The following CTNNA1 variants were observed in gnomAD, a reference collection of about 807,000 sequenced individuals.
CTNNA1 encodes catenin alpha-1.
A neutral mutation model predicts 98.4 loss-of-function variants in CTNNA1; 37 were observed. The observed-to-expected ratio is 0.38, with a 90% confidence interval of 0.29 to 0.49. The LOEUF (loss-of-function observed/expected upper bound fraction) is 0.49. CTNNA1 is among the 20% of genes least tolerant of loss of function. The pLI is 0.95. For missense variants in CTNNA1, 761 were observed against 1,147.2 expected (o/e 0.66, Z 4.86); for synonymous variants, 404 against 413.2 (o/e 0.98, Z 0.27).
chr5:138,921,415 A>C (rs944437872), intron 11 of CTNNA1, among the ~76,000 whole-genome samples: 1 of 152,154 alleles, frequency 6.6e-6, no homozygotes, highest in African/African-American at 2.4e-5. Flanking sequence ...CAACACTTGG[A>C]GTGGTAATTT....
intron 9 of CTNNA1, among the ~76,000 whole-genome samples, chr5:138,902,367 C>T (rs896981544): frequency 1.3e-5 from 2 of 152,166 alleles, no homozygotes; most frequent in Non-Finnish European, 2.9e-5. Flanking sequence ...TTCAAGTGGC[C>T]TCCTAAATGA....
intron 1 of CTNNA1, among the ~76,000 whole-genome samples, chr5:138,762,634 A>C (rs1277768802): frequency 2.0e-5 from 3 of 151,218 alleles, no homozygotes; most frequent in African/African-American, 7.3e-5. Flanking sequence ...TTGGGATTTA[A>C]TTTGTGGTTT....
intron 11 of CTNNA1, among the ~76,000 whole-genome samples, chr5:138,924,094 G>A (rs1341743275): frequency 2.0e-5 from 3 of 152,348 alleles, no homozygotes; most frequent in South Asian, 2.1e-4. Flanking sequence ...TGGAAGGAGA[G>A]GGAGAGGGGA....
chr5:138,778,700 A>T (rs1004473482), intron 1 of CTNNA1, among the ~76,000 whole-genome samples: 1 of 152,180 alleles, frequency 6.6e-6, no homozygotes, highest in African/African-American at 2.4e-5. Context: ...TTCTAAATAC[A>T]TTGTTCTTTC....
At chr5:138,926,446 G>A (rs912842688) in intron 13 of CTNNA1, among the ~76,000 whole-genome samples, 1 of 152,246 alleles carries the variant, frequency 6.6e-6, no homozygotes, top group Non-Finnish European at 1.5e-5. Context: ...GTGCGCCCTT[G>A]CTGCCCTGCA....
intron 3 of CTNNA1, among the ~76,000 whole-genome samples, chr5:138,789,546 C>T (rs566735669): frequency 1.3e-5 from 2 of 152,298 alleles, no homozygotes; most frequent in African/African-American, 4.8e-5. Flanking sequence ...CAACCTTCGC[C>T]TCCTGGGTTC....
At chr5:138,866,231 A>C (rs956820153) in intron 7 of CTNNA1, among the ~76,000 whole-genome samples, 1 of 152,052 alleles carries the variant, frequency 6.6e-6, no homozygotes, top group African/African-American at 2.4e-5. Context: ...TTTTGGTACA[A>C]TGATTTTCCA....
chr5:138,770,142 T>C (rs1753379682), intron 1 of CTNNA1, among the ~76,000 whole-genome samples: 1 of 152,206 alleles, frequency 6.6e-6, no homozygotes, highest in Non-Finnish European at 1.5e-5. Context: ...GTGATACTTT[T>C]ATTTTTTAAA....
intron 1 of CTNNA1, among the ~76,000 whole-genome samples, chr5:138,761,483 C>G (rs1040392513): frequency 1.3e-5 from 2 of 152,044 alleles, no homozygotes; most frequent in African/African-American, 4.8e-5. Flanking sequence ...ATGATCCGTC[C>G]GCCTCCTAAA....
intron 5 of CTNNA1, among the ~76,000 whole-genome samples, chr5:138,821,140 G>A (rs1261697020): frequency 6.6e-6 from 1 of 152,216 alleles, no homozygotes; most frequent in African/African-American, 2.4e-5. Context: ...AGTGTGGCTG[G>A]AATATTATTT....
intron 16 of CTNNA1, chr5:138,932,364 G>A: frequency 2.9e-6 from 4 of 1,397,458 alleles, no homozygotes; most frequent in Non-Finnish European, 3.7e-6. Flanking sequence ...GCGCAGTCAG[G>A]GTCCCATGGA....
chr5:138,913,274 CT>C (rs1761043324), intron 10 of CTNNA1, among the ~76,000 whole-genome samples: 1 of 151,658 alleles, frequency 6.6e-6, no homozygotes, highest in African/African-American at 2.4e-5. Flanking sequence ...TTTATATTGT[CT>C]TTAGTTACAT....
intron 1 of CTNNA1, chr5:138,755,249 G>C (rs1430948923): frequency 1.3e-5 from 2 of 152,174 alleles, no homozygotes; most frequent in Admixed American, 1.3e-4. Flanking sequence ...GTAGAGGCAC[G>C]GAGAGGGGGC....
Position 138,934,439 on chromosome 5 carries a change from T to G in CTNNA1, c.*350T>G. ...AGGGTTTGAGAGAAGGGAATTTGGCTCAACTTCAGTTGAGAGGGTGCAGTC... is the reference window on the plus strand; with the variant it reads ...AGGGTTTGAGAGAAGGGAATTTGGCGCAACTTCAGTTGAGAGGGTGCAGTC... On this transcript the variant is annotated 3_prime_UTR_variant, in exon 18 of 18. Coordinates refer to ENST00000302763, the MANE Select transcript of CTNNA1 (RefSeq NM_001903.5). The G allele has an allele frequency of 4.1e-6, 1 of 245,126 alleles. No individual in the cohort carries two copies. Among genetic ancestry groups the G allele is most frequent in the South Asian group, 5.8e-5 (1 of 17,122 alleles). The allele number at this position is 245,126 out of a possible 1,614,324, so 15.2% of individuals were successfully genotyped here. A position where few individuals can be genotyped will look rare whatever the true frequency, so the allele number is the denominator to read the frequency against.
In CTNNA1 at chr5:138,850,764, T is replaced by C. The variant is rs1172014340; in HGVS notation, c.1062+23046T>C. ...ATCCAGAAAATCTTCATTTTGTTCT[T>C]TCTTAATTTTTACTGAGGCTCTCTG... On this transcript the variant is annotated intron_variant, in intron 7 of 17. Coordinates refer to ENST00000302763, the MANE Select transcript of CTNNA1 (RefSeq NM_001903.5). Among the ~76,000 whole-genome samples the C allele has an allele frequency of 2.0e-5, 3 of 152,188 alleles. No homozygotes were observed. In the East Asian group the frequency reaches 5.8e-4, roughly 29 times the overall value.
intron 9 of CTNNA1, among the ~76,000 whole-genome samples, chr5:138,901,368 G>A (rs1195276665): frequency 1.3e-5 from 2 of 151,892 alleles, no homozygotes; most frequent in Admixed American, 6.6e-5. Context: ...ATGTGGCCAG[G>A]GGTGGGTCTC....
intron 5 of CTNNA1, 84 bp downstream of exon 5, chr5:138,812,386 T>C (rs1047297390): frequency 7.1e-7 from 1 of 1,410,688 alleles, no homozygotes; most frequent in Admixed American, 2.3e-5. Context: ...TTTCTGAAAG[T>C]ACCATTACTT....
chr5:138,787,254 C>T (rs1755808357), intron 3 of CTNNA1, among the ~76,000 whole-genome samples: 1 of 152,154 alleles, frequency 6.6e-6, no homozygotes, highest in Non-Finnish European at 1.5e-5. Context: ...CACGGTGAAA[C>T]CCCGTCTCTA....
rs1766171641 is a variant in CTNNA1 at position 138,934,701 on chromosome 5, T to C, written c.*612T>C. ...TGCTGCAGGACATTAATAAAGTTGCTTTTTTAGGCTACAGTGTCTCGATGC... is the reference window on the plus strand; with the variant it reads ...TGCTGCAGGACATTAATAAAGTTGCCTTTTTAGGCTACAGTGTCTCGATGC... On this transcript the variant is annotated 3_prime_UTR_variant, in exon 18 of 18. Coordinates refer to ENST00000302763, the MANE Select transcript of CTNNA1 (RefSeq NM_001903.5). 1.3e-5 allele frequency: 2 copies of C among 152,756 alleles called. No individual in the cohort carries two copies. Among genetic ancestry groups the C allele is most frequent in the South Asian group, 4.1e-4 (2 of 4,826 alleles). The allele number at this position is 152,756 out of a possible 1,614,324, so 9.5% of individuals were successfully genotyped here.
Sources: allele counts gnomAD v4.1 joint callset (sites outside exome capture counted in the v4.1 genomes callset), GRCh38; gene constraint gnomAD v4.1.1; transcripts MANE v1.5; gene names NCBI Gene and HGNC (gene_info 2026-07-23, HGNC 2026-07-21).